Variants in EGFLAM observed in about 807,000 individuals in gnomAD.
EGFLAM encodes pikachurin.
In EGFLAM, 79 loss-of-function variants were observed where a neutral mutation model predicts 113.1. That is an observed-to-expected ratio of 0.70 (90% CI 0.58 to 0.84). The LOEUF is 0.84. EGFLAM is among the 40% of genes least tolerant of loss of function. EGFLAM has a pLI of 0.00. For synonymous variants in EGFLAM, 504 were observed against 487.6 expected (o/e 1.03, Z -0.44); for missense variants, 1,265 against 1,291.6 (o/e 0.98, Z 0.32).
intron 6 of EGFLAM, among the ~76,000 whole-genome samples, chr5:38,371,920 C>G (rs778072001): frequency 2.6e-5 from 4 of 152,164 alleles, no homozygotes; most frequent in Non-Finnish European, 5.9e-5. Flanking sequence ...TGAGCAGCCA[C>G]TTGGTGCTGT....
chr5:38,435,297 T>C (rs371837365), intron 16 of EGFLAM, 44 bp downstream of exon 16: 53 of 1,404,594 alleles, frequency 3.8e-5, no homozygotes, highest in Non-Finnish European at 5.1e-5. Context: ...ACCCAGACTG[T>C]AGACAAAGAA....
At chr5:38,298,208 C>G (rs1158841662) in intron 1 of EGFLAM, among the ~76,000 whole-genome samples, 1 of 152,306 alleles carries the variant, frequency 6.6e-6, no homozygotes, top group East Asian at 1.9e-4. Context: ...TTGACGTTTT[C>G]TTCTTTCCCG....
chr5:38,408,892 T>C (rs1424608560), intron 9 of EGFLAM, 112 bp from the exon 10 acceptor site: 2 of 885,142 alleles, frequency 2.3e-6, no homozygotes, highest in African/African-American at 3.3e-5. Context: ...CCTTTGTAGA[T>C]AGGATCGTGG....
chr5:38,304,667 G>A (rs1758681858), intron 1 of EGFLAM, among the ~76,000 whole-genome samples: 1 of 152,176 alleles, frequency 6.6e-6, no homozygotes, highest in Non-Finnish European at 1.5e-5. Flanking sequence ...TTTACAATGA[G>A]TTTTTTATTC....
At chr5:38,339,695 A>G (rs1309216252) in intron 3 of EGFLAM, among the ~76,000 whole-genome samples, 1 of 152,206 alleles carries the variant, frequency 6.6e-6, no homozygotes, top group Admixed American at 6.5e-5. Flanking sequence ...TTCAAGTCAT[A>G]CATTAGCGAG....
At chr5:38,303,329 T>C (rs961443483) in intron 1 of EGFLAM, among the ~76,000 whole-genome samples, 5 of 152,166 alleles carry the variant, frequency 3.3e-5, no homozygotes, top group African/African-American at 9.7e-5. Context: ...AAGACAATGG[T>C]AATTACAAGA....
intron 1 of EGFLAM, among the ~76,000 whole-genome samples, chr5:38,300,601 A>G (rs1234287893): frequency 6.6e-6 from 1 of 152,112 alleles, no homozygotes; most frequent in Admixed American, 6.6e-5. Context: ...GTCTCGAACT[A>G]CTGATATAAA....
intron 1 of EGFLAM, among the ~76,000 whole-genome samples, chr5:38,308,191 A>G (rs949174758): frequency 1.1e-4 from 17 of 152,226 alleles, no homozygotes; most frequent in African/African-American, 3.6e-4. Context: ...GGTAGCCTTT[A>G]CTACACCAAA....
intron 6 of EGFLAM, among the ~76,000 whole-genome samples, chr5:38,378,276 G>A (rs1740417147): frequency 6.6e-6 from 1 of 152,112 alleles, no homozygotes; most frequent in Non-Finnish European, 1.5e-5. Flanking sequence ...TCCCATAAGT[G>A]TCTGTGTGTG....
intron 15 of EGFLAM, among the ~76,000 whole-genome samples, chr5:38,432,324 CAT>C (rs1187470233): frequency 2.0e-5 from 3 of 152,128 alleles, no homozygotes; most frequent in African/African-American, 7.2e-5. Flanking sequence ...AAAAGGGACA[CAT>C]GTGTCCAGAA....
Position 38,370,418 on chromosome 5 carries a change from GC to G in EGFLAM, c.672del (p.Ser225AlafsTer44). 1.2e-6 allele frequency: 2 copies of G among 1,614,140 alleles called. No individual in the cohort carries two copies. The highest frequency in any genetic ancestry group is 8.5e-7 in the Non-Finnish European group (1 of 1,180,016). On this transcript the variant is annotated frameshift_variant, in exon 6 of 22. Transcript: ENST00000322350. LOFTEE classifies it high-confidence loss of function. ...QFAVRAMNSH[G>X]PSPRSWPSDI... ...GCCGTGAGGGCAATGAATTCCCATG[GC>G]CCCAGCCCCCGCAGCTGGCCCAGTG...
Position 38,438,356 on chromosome 5 carries a change from G to A in EGFLAM, c.2365G>A (p.Val789Met), listed in dbSNP as rs372902054. The A allele has an allele frequency of 6.2e-7, 1 of 1,614,150 alleles. No individual in the cohort carries two copies. Among genetic ancestry groups the A allele is most frequent in the Non-Finnish European group, 8.5e-7 (1 of 1,180,020 alleles). Residue 789 changes from valine to methionine, a missense_variant, in exon 17 of 22, where the codon GTG (valine) becomes ATG (methionine). By Grantham distance (21) the Val-to-Met change is conservative. Coordinates refer to ENST00000322350, the MANE Select transcript of EGFLAM (RefSeq NM_152403.4). Reference sequence around the variant, plus strand: ...TGTGGAGAATGCGGCCCACCCCTGTGTGAGAGCCCCTTGTGCCCATGGGGG... The same window carrying A: ...TGTGGAGAATGCGGCCCACCCCTGTATGAGAGCCCCTTGTGCCCATGGGGG... ...VNVENAAHPC[V>M]RAPCAHGGSC...
chr5:38,404,336 T>C (rs1262690694), intron 6 of EGFLAM, among the ~76,000 whole-genome samples: 1 of 152,146 alleles, frequency 6.6e-6, no homozygotes, highest in Non-Finnish European at 1.5e-5. Flanking sequence ...TCAGTGCCCT[T>C]ATTAAAGAGG....
At chr5:38,324,135 GGTTTCCCTCTTAT>G (rs1278974694) in intron 1 of EGFLAM, among the ~76,000 whole-genome samples, 1 of 151,928 alleles carries the variant, frequency 6.6e-6, no homozygotes, top group Non-Finnish European at 1.5e-5. Context: ...AGCCTTGGGT[GGTTTCCCTCTTAT>G]GTTTCTCTCT....
In EGFLAM at chr5:38,412,518, C is replaced by A; in HGVS notation, c.1364C>A (p.Thr455Asn). ...CTCCCCAACAGGTTTAATTGTGGAA[C>A]TGGGGTTGCCATCATCGTAAGTGAG... ...RSLQFRFNCG[T>N]GVAIIVSETK... The change falls in exon 11 of 22, where the codon ACT becomes AAT. Residue 455 changes from threonine to asparagine, a missense_variant. Transcript: ENST00000322350. The A allele has an allele frequency of 4.3e-6, 7 of 1,614,150 alleles. No individual in the cohort carries two copies. The highest frequency in any genetic ancestry group is 5.9e-6 in the Non-Finnish European group (7 of 1,180,030).
intron 12 of EGFLAM, among the ~76,000 whole-genome samples, chr5:38,420,345 T>C (rs1217900668): frequency 6.6e-6 from 1 of 152,262 alleles, no homozygotes; most frequent in East Asian, 1.9e-4. Context: ...GAAACAATTA[T>C]TAAAGCTGTC....
intron 1 of EGFLAM, among the ~76,000 whole-genome samples, chr5:38,317,182 T>A (rs1397964950): frequency 6.6e-6 from 1 of 152,226 alleles, no homozygotes; most frequent in Admixed American, 6.5e-5. Flanking sequence ...GATTTACTGA[T>A]ACCTACCTTG....
rs556511806 is a variant in EGFLAM, at chr5:38,370,305, C to T, written c.555C>T (p.Phe185=). Residue 185 remains phenylalanine (F), a synonymous_variant, in exon 6 of 22, where the codon TTC becomes TTT. Coordinates refer to ENST00000322350, the MANE Select transcript of EGFLAM (RefSeq NM_152403.4). ...TTTCTAATCAATAAAGGCCAGATTTCGACAAGAAGTGGACCTCAATCCATG... is the reference window on the plus strand; with the variant it reads ...TTTCTAATCAATAAAGGCCAGATTTTGACAAGAAGTGGACCTCAATCCATG... The part of the protein sequence containing the change: ...YYSVEFIRPD[F]DKKWTSIHER... 137 of 1,613,086 alleles carry T rather than the reference C, an allele frequency of 8.5e-5. No individual in the cohort carries two copies. The highest frequency in any genetic ancestry group is 1.3e-4 in the East Asian group (6 of 44,874).
chr5:38,274,741 G>A (rs1757845336), intron 1 of EGFLAM, among the ~76,000 whole-genome samples: 1 of 152,004 alleles, frequency 6.6e-6, no homozygotes, highest in African/African-American at 2.4e-5. Flanking sequence ...GTGCCAATGA[G>A]TAATAAAAAA....
Sources: allele counts gnomAD v4.1 joint callset (sites outside exome capture counted in the v4.1 genomes callset), GRCh38; gene constraint gnomAD v4.1.1; transcripts MANE v1.5; gene names NCBI Gene and HGNC (gene_info 2026-07-23, HGNC 2026-07-21).